The following PDZRN3 variants were observed in gnomAD, a reference collection of about 807,000 sequenced individuals.
PDZRN3 encodes E3 ubiquitin-protein ligase PDZRN3.
Under a neutral mutation model 85.7 loss-of-function variants are expected in PDZRN3, and 38 were observed. That is an observed-to-expected ratio of 0.44 (90% CI 0.34 to 0.58). The LOEUF (loss-of-function observed/expected upper bound fraction) is 0.58. PDZRN3 is among the 20% of genes least tolerant of loss of function. The pLI, the probability that PDZRN3 is intolerant of heterozygous loss-of-function variation, is 0.01. For synonymous variants in PDZRN3, 759 were observed against 638.0 expected (o/e 1.19, Z -2.86); for missense variants, 1,629 against 1,506.4 (o/e 1.08, Z -1.35).
intron 3 of PDZRN3, among the ~76,000 whole-genome samples, chr3:73,434,259 G>A (rs982286368): frequency 7.9e-5 from 12 of 152,096 alleles, no homozygotes; most frequent in African/African-American, 1.2e-4. Flanking sequence ...AATGTGTTTC[G>A]GCTAGGTAGA....
intron 3 of PDZRN3, among the ~76,000 whole-genome samples, chr3:73,601,677 C>T (rs78924513): frequency 0.021 from 3,173 of 152,226 alleles, 118 homozygotes; most frequent in African/African-American, 0.071. Context: ...CTCAGAGCAT[C>T]CTAGAACACT....
chr3:73,513,898 T>C (rs1163598372), intron 3 of PDZRN3, among the ~76,000 whole-genome samples: 3 of 152,234 alleles, frequency 2.0e-5, no homozygotes, highest in African/African-American at 7.2e-5. Context: ...AATAGAAGAA[T>C]CTTATTTGTT....
intron 3 of PDZRN3, among the ~76,000 whole-genome samples, chr3:73,468,472 G>A (rs1468207317): frequency 6.7e-6 from 1 of 149,934 alleles, no homozygotes; most frequent in Non-Finnish European, 1.5e-5. Flanking sequence ...GTCAATTAAA[G>A]CACATTTGGA....
intron 3 of PDZRN3, among the ~76,000 whole-genome samples, chr3:73,498,215 C>T (rs530751335): frequency 6.6e-6 from 1 of 152,312 alleles, no homozygotes; most frequent in East Asian, 1.9e-4. Context: ...CCCATTTTCT[C>T]CATCCTCCTG....
intron 3 of PDZRN3, among the ~76,000 whole-genome samples, chr3:73,515,711 G>C (rs906711520): frequency 6.6e-6 from 1 of 152,134 alleles, no homozygotes; most frequent in African/African-American, 2.4e-5. Context: ...CATAGCTCTG[G>C]ACAATTATAT....
At chr3:73,560,820 T>C (rs1701800176) in intron 3 of PDZRN3, among the ~76,000 whole-genome samples, 1 of 152,208 alleles carries the variant, frequency 6.6e-6, no homozygotes, top group South Asian at 2.1e-4. Flanking sequence ...AGTAAAAGAT[T>C]TCTTAATGCA....
chr3:73,503,891 G>T (rs1407654067), intron 3 of PDZRN3, among the ~76,000 whole-genome samples: 3 of 152,130 alleles, frequency 2.0e-5, no homozygotes, highest in Admixed American at 1.3e-4. Flanking sequence ...AGTGGGGAGG[G>T]GGAGAGCCTA....
At chr3:73,426,109 T>C (rs1022790123) in intron 3 of PDZRN3, among the ~76,000 whole-genome samples, 1 of 152,044 alleles carries the variant, frequency 6.6e-6, no homozygotes, top group African/African-American at 2.4e-5. Context: ...TTTAGGAGGA[T>C]ATAGGATAAT....
chr3:73,443,548 C>T (rs138152128), intron 3 of PDZRN3, among the ~76,000 whole-genome samples: 147 of 140,884 alleles, frequency 1.0e-3, no homozygotes, highest in African/African-American at 4.1e-3. Flanking sequence ...TTCAGTGGTA[C>T]GATCATAGCT....
chr3:73,472,497 C>T (rs1018819157), intron 3 of PDZRN3, among the ~76,000 whole-genome samples: 1 of 152,172 alleles, frequency 6.6e-6, no homozygotes, highest in Admixed American at 6.5e-5. Context: ...CTTTCTCTGG[C>T]CCTCAACACA....
At chr3:73,545,441 A>T (rs1459574336) in intron 3 of PDZRN3, among the ~76,000 whole-genome samples, 2 of 152,228 alleles carry the variant, frequency 1.3e-5, no homozygotes, top group Non-Finnish European at 1.5e-5. Flanking sequence ...TTAGCTACGT[A>T]AGAAAAAAAA....
At chr3:73,578,764 GC>G (rs1276787537) in intron 3 of PDZRN3, among the ~76,000 whole-genome samples, 2 of 152,116 alleles carry the variant, frequency 1.3e-5, no homozygotes, top group Non-Finnish European at 2.9e-5. Context: ...TGAGGAACCT[GC>G]CCCCCTTTCT....
intron 3 of PDZRN3, among the ~76,000 whole-genome samples, chr3:73,530,581 C>T (rs372868115): frequency 2.6e-5 from 4 of 151,926 alleles, no homozygotes; most frequent in African/African-American, 7.3e-5. Flanking sequence ...AGAACAAAAC[C>T]GTAAATGGCA....
At chr3:73,523,173 T>G (rs1177958445) in intron 3 of PDZRN3, among the ~76,000 whole-genome samples, 8 of 152,134 alleles carry the variant, frequency 5.3e-5, no homozygotes, top group Admixed American at 4.6e-4. Context: ...ACTACAGGCA[T>G]GCATCACCAT....
intron 3 of PDZRN3, among the ~76,000 whole-genome samples, chr3:73,436,983 T>C (rs982955307): frequency 2.7e-5 from 4 of 150,076 alleles, no homozygotes; most frequent in African/African-American, 7.4e-5. Flanking sequence ...GAGGTGGAGG[T>C]TGCAGTTAGC....
chr3:73,412,897 G>A (rs1404427026), intron 3 of PDZRN3, among the ~76,000 whole-genome samples: 1 of 152,178 alleles, frequency 6.6e-6, no homozygotes, highest in African/African-American at 2.4e-5. Context: ...GGGTGAGAGT[G>A]GGCATCACTG....
chr3:73,417,261 T>C (rs1282223935), intron 3 of PDZRN3, among the ~76,000 whole-genome samples: 1 of 152,212 alleles, frequency 6.6e-6, no homozygotes, highest in African/African-American at 2.4e-5. Context: ...TTCATTTTCA[T>C]TATGCAAATT....
intron 3 of PDZRN3, among the ~76,000 whole-genome samples, chr3:73,438,571 A>C (rs1350352048): frequency 6.6e-6 from 1 of 152,198 alleles, no homozygotes; most frequent in Non-Finnish European, 1.5e-5. Context: ...GAGCAATGGC[A>C]TCCCTTTGTT....
Position 73,391,028 on chromosome 3 carries a change from T to C in PDZRN3, c.1343A>G (p.Tyr448Cys), listed in dbSNP as rs1434576730. The change falls in exon 6 of 10, where the codon TAT becomes TGT. Residue 448 changes from tyrosine to cysteine, a missense_variant. By Grantham distance (194) the Tyr-to-Cys change is radical. Transcript: ENST00000263666. Reference sequence around the variant, plus strand: ...AATCAGCCTTTGTACCTCACTGATATAAATCCCAATGTCGTCTTCATCGTC... The same window carrying C: ...AATCAGCCTTTGTACCTCACTGATACAAATCCCAATGTCGTCTTCATCGTC... ...RTDDEDDIGI[Y>C]ISEIDPNSIA... 2 of 1,610,712 alleles carry C rather than the reference T, an allele frequency of 1.2e-6. No individual in the cohort carries two copies. Among genetic ancestry groups the C allele is most frequent in the Non-Finnish European group, 1.7e-6 (2 of 1,177,040 alleles).
Sources: allele counts gnomAD v4.1 joint callset (sites outside exome capture counted in the v4.1 genomes callset), GRCh38; gene constraint gnomAD v4.1.1; transcripts MANE v1.5; gene names NCBI Gene and HGNC (gene_info 2026-07-23, HGNC 2026-07-21).